STX18: variants seen among roughly 807,000 people sequenced by gnomAD.
The protein encoded by STX18 is syntaxin 18.
Under a neutral mutation model 50.1 loss-of-function variants are expected in STX18, and 40 were observed. That is an observed-to-expected ratio of 0.80 (90% CI 0.62 to 1.04). The LOEUF (loss-of-function observed/expected upper bound fraction) is 1.04. Ranked by LOEUF, STX18 falls within the 50% of genes least tolerant of loss-of-function variation. The pLI, the probability that STX18 is intolerant of heterozygous loss-of-function variation, is 0.00. For synonymous variants in STX18, 158 were observed against 151.8 expected, an observed-to-expected ratio of 1.04 and a Z score of -0.30; for missense variants, 410 against 415.8, an observed-to-expected ratio of 0.99 and a Z score of 0.12.
At chr4:4,433,315 T>C (rs916202077) in intron 7 of STX18, among the ~76,000 whole-genome samples, 2 of 152,166 alleles carry the variant, frequency 1.3e-5, no homozygotes, top group Non-Finnish European at 2.9e-5. Context: ...CATTTTACCA[T>C]TGAAAACAAC....
chr4:4,516,007 T>C (rs1238578953), intron 1 of STX18, among the ~76,000 whole-genome samples: 1 of 151,716 alleles, frequency 6.6e-6, no homozygotes, highest in African/African-American at 2.4e-5. Context: ...GTAGCAAAAA[T>C]GAATCCTTTA....
intron 5 of STX18, among the ~76,000 whole-genome samples, chr4:4,451,196 C>T (rs1323165510): frequency 6.6e-6 from 1 of 152,200 alleles, no homozygotes; most frequent in Non-Finnish European, 1.5e-5. Flanking sequence ...ACAGTTTCTA[C>T]CTGGCCAGCA....
intron 1 of STX18, among the ~76,000 whole-genome samples, chr4:4,487,538 C>T (rs1055240192): frequency 2.0e-5 from 3 of 152,198 alleles, no homozygotes; most frequent in Non-Finnish European, 2.9e-5. Context: ...GGAATAGACT[C>T]TAAGCCTGTG....
intron 1 of STX18, among the ~76,000 whole-genome samples, chr4:4,498,332 G>A (rs996132994): frequency 3.3e-5 from 5 of 152,032 alleles, no homozygotes; most frequent in African/African-American, 1.2e-4. Context: ...TAAGATCAAT[G>A]ATGATAATAT....
In STX18 at chr4:4,456,281, A is replaced by C. The variant is rs79445343; in HGVS notation, c.497+910T>G. Among the ~76,000 whole-genome samples the C allele has an allele frequency of 1.4e-4, 21 of 152,166 alleles. No homozygotes were observed. The South Asian group carries it at 3.5e-3, about 26-fold the overall frequency. ...TCAAAAACAAAAAAAACAAAAAAAAACAAAAAAGAAAATGTGTCCCCAAAC... is the reference window on the plus strand; with the variant it reads ...TCAAAAACAAAAAAAACAAAAAAAACCAAAAAAGAAAATGTGTCCCCAAAC... On this transcript the variant is annotated intron_variant, in intron 5 of 10. Coordinates refer to ENST00000306200, the MANE Select transcript of STX18 (RefSeq NM_016930.4).
chr4:4,484,794 A>T (rs975359148), intron 1 of STX18, among the ~76,000 whole-genome samples: 1 of 152,228 alleles, frequency 6.6e-6, no homozygotes, highest in African/African-American at 2.4e-5. Context: ...AGGCTTCTGA[A>T]TCCCTGCCGG....
chr4:4,460,472 C>T (rs1303960580), intron 2 of STX18, among the ~76,000 whole-genome samples: 1 of 151,942 alleles, frequency 6.6e-6, no homozygotes, highest in Non-Finnish European at 1.5e-5. Context: ...ACAGGGAATA[C>T]ATCCATCCTG....
At chr4:4,504,371 A>AATTC (rs1172034822) in intron 1 of STX18, among the ~76,000 whole-genome samples, 4 of 152,158 alleles carry the variant, frequency 2.6e-5, no homozygotes, top group Non-Finnish European at 4.4e-5. Flanking sequence ...AAAAACAGGG[A>AATTC]ATTCATTCAT....
intron 1 of STX18, among the ~76,000 whole-genome samples, chr4:4,500,210 T>C (rs1393650914): frequency 6.6e-6 from 1 of 152,226 alleles, no homozygotes; most frequent in Non-Finnish European, 1.5e-5. Context: ...TAACATCACC[T>C]AGAAAGAAAC....
intron 7 of STX18, among the ~76,000 whole-genome samples, chr4:4,426,831 C>T (rs1197987963): frequency 1.3e-5 from 2 of 152,172 alleles, no homozygotes; most frequent in Non-Finnish European, 2.9e-5. Flanking sequence ...CCCGCTGACC[C>T]TACAGATCAG....
intron 7 of STX18, among the ~76,000 whole-genome samples, chr4:4,427,851 C>A (rs1162455252): frequency 6.6e-6 from 1 of 152,214 alleles, no homozygotes; most frequent in Non-Finnish European, 1.5e-5. Flanking sequence ...TTTCCTTCCA[C>A]CCCACCTGAA....
chr4:4,457,381 T>C (rs1463027272), intron 4 of STX18, 42 bp downstream of exon 4: 1 of 1,577,962 alleles, frequency 6.3e-7, no homozygotes. Context: ...ATCACATCTA[T>C]TGTGAAATGT....
intron 1 of STX18, among the ~76,000 whole-genome samples, chr4:4,501,552 C>T (rs1729461534): frequency 6.6e-6 from 1 of 152,198 alleles, no homozygotes; most frequent in Non-Finnish European, 1.5e-5. Context: ...GGGAGTCACA[C>T]TACATGACCT....
intron 1 of STX18, among the ~76,000 whole-genome samples, chr4:4,520,864 G>A (rs1305271766): frequency 2.6e-5 from 4 of 152,174 alleles, no homozygotes; most frequent in Admixed American, 6.5e-5. Flanking sequence ...ATATCTTTCA[G>A]AAAACATAAG....
chr4:4,453,817 C>T, intron 5 of STX18: 1 of 204,242 alleles, frequency 4.9e-6, no homozygotes, highest in Non-Finnish European at 8.6e-6. Flanking sequence ...AATGAAGCCA[C>T]CTTCACCACT....
At chr4:4,499,409 A>T (rs1319540810) in intron 1 of STX18, 1 of 754,626 alleles carries the variant, frequency 1.3e-6, no homozygotes, top group East Asian at 1.3e-4. Context: ...AGATTTTTCA[A>T]AGATTCTGAA....
chr4:4,477,897 C>T (rs533812956), intron 1 of STX18: 7 of 152,240 alleles, frequency 4.6e-5, no homozygotes, highest in South Asian at 2.1e-4. Flanking sequence ...GCACCCGCCA[C>T]GTGTGTGCCA....
intron 1 of STX18, among the ~76,000 whole-genome samples, chr4:4,496,644 G>A (rs1729186465): frequency 1.3e-5 from 2 of 152,282 alleles, no homozygotes; most frequent in Middle Eastern, 6.8e-3. Flanking sequence ...AGGAGCTTCT[G>A]CATGTCATTC....
intron 1 of STX18, among the ~76,000 whole-genome samples, chr4:4,521,905 C>T (rs918911091): frequency 4.6e-5 from 7 of 152,010 alleles, no homozygotes; most frequent in Non-Finnish European, 1.0e-4. Context: ...AATCATAGTT[C>T]GAGAACTTTT....
Sources: gnomAD v4.1 joint callset for allele counts (sites outside exome capture counted in the v4.1 genomes callset) on GRCh38, gnomAD v4.1.1 for gene constraint, MANE v1.5 for transcripts, NCBI Gene and HGNC (gene_info 2026-07-23, HGNC 2026-07-21) for gene names.